The following KDM5C variants were observed in gnomAD, a reference collection of about 807,000 sequenced individuals.
The protein encoded by KDM5C is lysine-specific demethylase 5C.
Under a neutral mutation model 110.6 loss-of-function variants are expected in KDM5C, and 16 were observed. That is an observed-to-expected ratio of 0.14 (90% confidence interval 0.10 to 0.22). The LOEUF is 0.22. KDM5C is among the 10% of genes least tolerant of loss of function. KDM5C has a pLI of 1.00. For synonymous variants in KDM5C, 511 were observed against 520.4 expected, an observed-to-expected ratio of 0.98 and a Z score of 0.24; for missense variants, 681 against 1,300.9, an observed-to-expected ratio of 0.52 and a Z score of 7.33.
At chrX:53,182,029 T>C (rs1200752358) in intron 25 of KDM5C, among the ~76,000 whole-genome samples, 2 of 111,127 alleles carry the variant, frequency 1.8e-5, no homozygotes, top group African/African-American at 3.3e-5. Context: ...ACCTCGTGAT[T>C]AGCCCGCCTC....
downstream of KDM5C, among the ~76,000 whole-genome samples, chrX:53,188,724 T>C (rs1234531838): frequency 1.8e-5 from 2 of 111,579 alleles, no homozygotes; most frequent in Non-Finnish European, 3.8e-5. Flanking sequence ...TGATGGGATC[T>C]CACATCTGAA....
At chrX:53,201,457 C>T (rs984752479) in intron 14 of KDM5C, 93 bp downstream of exon 14, 72 of 855,768 alleles carry the variant, frequency 8.4e-5, no homozygotes, top group African/African-American at 6.0e-4. Context: ...TTTCACTATA[C>T]GCCAAGAGTA....
intron 5 of KDM5C, 129 bp from the exon 6 acceptor site, chrX:53,216,326 CA>C (rs1387031553): frequency 3.1e-5 from 30 of 979,638 alleles, no homozygotes; most frequent in Non-Finnish European, 4.3e-5. Flanking sequence ...TGGGCTAAGC[CA>C]AGAACTCAGA....
chrX:53,181,135 ATT>A (rs1177258876), intron 25 of KDM5C, among the ~76,000 whole-genome samples: 2 of 106,218 alleles, frequency 1.9e-5, no homozygotes, highest in Non-Finnish European at 3.9e-5. Context: ...ATATATATAT[ATT>A]TTTTTTTGTT....
At chrX:53,189,712 C>A (rs142219325), downstream of KDM5C, among the ~76,000 whole-genome samples, 544 of 112,863 alleles carry the variant, frequency 4.8e-3, 4 homozygotes, top group African/African-American at 0.017. Context: ...GGAGCCCCAA[C>A]TGATGCTCCT....
intron 12 of KDM5C, among the ~76,000 whole-genome samples, chrX:53,206,700 C>T (rs2073341040): frequency 9.3e-6 from 1 of 107,122 alleles, no homozygotes; most frequent in African/African-American, 3.4e-5. Context: ...CCCGTCTCTA[C>T]TAAAAATACA....
In KDM5C at chrX:53,217,167, C is replaced by T. The variant is rs1556852342; in HGVS notation, c.633G>A (p.Arg211=). The part of the protein sequence containing the change: ...VQPSKFNSYG[R]RAKRLQPDPE... The stretch of plus-strand genomic sequence containing the variant: ...CATCAGGCTGCAGTCTCTTGGCCCG[C>T]CGGCCATAGCTGTTGAACTTGGAAG... The change falls in exon 5 of 26, where the codon CGG becomes CGA. Residue 211 remains arginine, a synonymous_variant. Transcript: ENST00000375401. The T allele has an allele frequency of 1.7e-6, 2 of 1,207,720 alleles. No homozygotes were observed. Among genetic ancestry groups the T allele is most frequent in the Admixed American group, 2.2e-5 (1 of 45,602 alleles).
chrX:53,221,203 G>A (rs1284458198), intron 1 of KDM5C, among the ~76,000 whole-genome samples: 2 of 109,407 alleles, frequency 1.8e-5, no homozygotes, highest in Non-Finnish European at 3.8e-5. Flanking sequence ...AAGAAATTAA[G>A]AGATGGAGCC....
chrX:53,211,409 C>T, intron 10 of KDM5C, 88 bp downstream of exon 10: 1 of 953,667 alleles, frequency 1.0e-6, no homozygotes, highest in Non-Finnish European at 1.5e-6. Flanking sequence ...TAATTATCCT[C>T]ATCTTACAGA....
exon 26 of KDM5C, among the ~76,000 whole-genome samples, chrX:53,176,503 C>T (rs1237997842): frequency 3.6e-5 from 4 of 111,449 alleles, no homozygotes; most frequent in African/African-American, 6.5e-5. Context: ...AACAGAAATT[C>T]GGGAGGTATA....
chrX:53,214,601 G>A, intron 8 of KDM5C, 88 bp downstream of exon 8: 2 of 1,040,548 alleles, frequency 1.9e-6, no homozygotes, highest in East Asian at 3.3e-5. Context: ...CTAAGACTAT[G>A]GCTGAGCTAA....
chrX:53,222,574 G>A (rs1307177518), intron 1 of KDM5C, among the ~76,000 whole-genome samples: 1 of 111,392 alleles, frequency 9.0e-6, no homozygotes, highest in Non-Finnish European at 1.9e-5. Context: ...ACAGGAAATG[G>A]CAGCCCTGGA....
rs868962440 is a variant in KDM5C, at chrX:53,217,312, G to C, written c.523-35C>G. ...GGTAAGGGGTAAGGGTCAGGACATG[G>C]ACTCCAGCCCGCAAAAGCAATAACT... On this transcript the variant is annotated intron_variant, in intron 4 of 25. Transcript: ENST00000375401. 5.8e-6 allele frequency: 7 copies of C among 1,205,488 alleles called. No individual in the cohort carries two copies. The African/African-American group carries it at 7.0e-5, about 12-fold the overall frequency.
chrX:53,180,609 C>A (rs1027488501), intron 25 of KDM5C, among the ~76,000 whole-genome samples: 2 of 108,511 alleles, frequency 1.8e-5, no homozygotes, highest in Admixed American at 1.0e-4. Flanking sequence ...GTCACCCAGG[C>A]TTAAGGGCAG....
At chrX:53,215,662 G>C in intron 7 of KDM5C, 133 bp downstream of exon 7, 2 of 631,966 alleles carry the variant, frequency 3.2e-6, no homozygotes, top group Non-Finnish European at 5.2e-6. Context: ...CCCCAATTAA[G>C]TGAGCTACCT....
At chrX:53,208,703 C>T (rs2073448941) in intron 12 of KDM5C, among the ~76,000 whole-genome samples, 1 of 105,750 alleles carries the variant, frequency 9.5e-6, no homozygotes, top group Admixed American at 1.0e-4. Flanking sequence ...CGAGGTTTCA[C>T]CATGTTGGCC....
At chrX:53,191,369 T>A (rs1390511969), downstream of KDM5C, 1 of 173,011 alleles carries the variant, frequency 5.8e-6, no homozygotes, top group African/African-American at 3.0e-5. Flanking sequence ...AATAGGCAAA[T>A]GGGATGAGGG....
At position 53,198,509 on chromosome X, in the gene KDM5C, C is replaced by T. The variant is rs782446678; in HGVS notation, c.2497G>A (p.Val833Ile). The T allele has an allele frequency of 9.1e-6, 11 of 1,205,489 alleles. No homozygotes were observed. Among genetic ancestry groups the T allele is most frequent in the Non-Finnish European group, 1.2e-5 (11 of 892,071 alleles). ...TCATACCCAGCTTCCTGGCCGCTGA[C>T]CAGTCCCAGAGCTCGGGACACGCAA... ...EACVSRALGL[V>I]SGQEAGPHRV... The change falls in exon 17 of 26, where the codon GTC becomes ATC. Residue 833 changes from valine (V) to isoleucine (I), a missense_variant. Physicochemically the swap from Val to Ile is conservative, Grantham distance 29. This residue lies in a region of KDM5C where 123 missense variants were observed against 169.0 expected (regional missense o/e 0.73). Transcript: ENST00000375401.
intron 1 of KDM5C, among the ~76,000 whole-genome samples, chrX:53,223,607 A>C (rs781960799): frequency 8.9e-6 from 1 of 112,036 alleles, no homozygotes; most frequent in African/African-American, 3.2e-5. Flanking sequence ...CCAACTGATC[A>C]CTGAACATTA....
Sources: gnomAD v4.1 joint callset for allele counts (sites outside exome capture counted in the v4.1 genomes callset) on GRCh38, gnomAD v4.1.1 for gene constraint, gnomAD v4.1.1 regional missense constraint, MANE v1.5 for transcripts, NCBI Gene and HGNC (gene_info 2026-07-23, HGNC 2026-07-21) for gene names.